ZNF503: variants seen among roughly 807,000 people sequenced by gnomAD.
ZNF503 encodes the protein zinc finger protein 503, also known as NocA-like zinc finger 2.
A neutral mutation model predicts 34.4 loss-of-function variants in ZNF503; 15 were observed. The observed-to-expected ratio is 0.44, with a 90% CI of 0.29 to 0.67. The LOEUF is 0.67. ZNF503 is among the 30% of genes least tolerant of loss of function. The pLI, the probability that ZNF503 is intolerant of heterozygous loss-of-function variation, is 0.13. For synonymous variants in ZNF503, 580 were observed against 456.8 expected (o/e 1.27, Z -3.44); for missense variants, 1,007 against 926.8 (o/e 1.09, Z -1.12).
downstream of ZNF503, among the ~76,000 whole-genome samples, chr10:75,392,967 G>A (rs1182303486): frequency 5.9e-5 from 9 of 152,210 alleles, no homozygotes; most frequent in Non-Finnish European, 1.3e-4. Context: ...CTCAGCCTTA[G>A]ATATGAGTCA....
At chr10:75,378,255 G>T in the ZNF503 span, among the ~76,000 whole-genome samples, 8 of 152,096 alleles carry the variant, frequency 5.3e-5, no homozygotes, top group Non-Finnish European at 1.2e-4. Flanking sequence ...CTGTCACTCA[G>T]AAAAAGGACA....
At chr10:75,352,243 G>C in the ZNF503 span, among the ~76,000 whole-genome samples, 35 of 152,342 alleles carry the variant, frequency 2.3e-4, no homozygotes, top group East Asian at 6.6e-3. Flanking sequence ...AGGGTCCTGG[G>C]AGGGCTACCC....
the ZNF503 span, among the ~76,000 whole-genome samples, chr10:75,334,213 G>A: frequency 2.0e-5 from 3 of 151,922 alleles, no homozygotes; most frequent in African/African-American, 2.4e-5. Flanking sequence ...CGGGCCCCGC[G>A]GGGCCCGTCC....
At chr10:75,329,523 G>A in the ZNF503 span, among the ~76,000 whole-genome samples, 2 of 150,452 alleles carry the variant, frequency 1.3e-5, no homozygotes, top group African/African-American at 4.9e-5. Flanking sequence ...GGAGTGCAGT[G>A]GCGTGCTCAT....
the ZNF503 span, among the ~76,000 whole-genome samples, chr10:75,350,829 C>T: frequency 3.0e-4 from 46 of 152,286 alleles, 1 homozygote; most frequent in Admixed American, 3.3e-4. Context: ...GCTAGGATTA[C>T]AGGCATGAGC....
the ZNF503 span, among the ~76,000 whole-genome samples, chr10:75,320,296 A>G: frequency 5.8e-4 from 88 of 151,854 alleles, no homozygotes; most frequent in African/African-American, 2.1e-3. Flanking sequence ...AGCCTGGCCA[A>G]TATGGTGAAA....
the ZNF503 span, among the ~76,000 whole-genome samples, chr10:75,309,871 A>G: frequency 6.6e-6 from 1 of 152,138 alleles, no homozygotes. Context: ...TATAGTTTTA[A>G]CTTTTGTCTA....
chr10:75,398,597 G>A lies in ZNF503; in HGVS notation c.*152C>T, dbSNP rs1019857712. 2.1e-5 allele frequency: 13 copies of A among 624,952 alleles called. No homozygotes were observed. Among genetic ancestry groups the A allele is most frequent in the East Asian group, 3.4e-5 (1 of 29,018 alleles). The allele number at this position is 624,952 out of a possible 1,614,324, so 38.7% of individuals were successfully genotyped here. A position where few individuals can be genotyped will look rare whatever the true frequency, so the allele number is the denominator to read the frequency against. ...CCACCGGGTCTCGGTCGCTGCTGTC[G>A]GGTAGATAGATACGGTATACATTTC... is the stretch of plus-strand genomic sequence containing the variant. On this transcript the variant is annotated 3_prime_UTR_variant, in exon 2 of 2. Transcript: ENST00000372524.
chr10:75,329,324 GT>G, the ZNF503 span, among the ~76,000 whole-genome samples: 22 of 150,002 alleles, frequency 1.5e-4, no homozygotes, highest in Non-Finnish European at 3.1e-4. Flanking sequence ...CACTTTCAGG[GT>G]TTTTTTTTCT....
At chr10:75,322,280 T>G in the ZNF503 span, among the ~76,000 whole-genome samples, 1 of 151,858 alleles carries the variant, frequency 6.6e-6, no homozygotes, top group South Asian at 2.1e-4. Context: ...TGCGCCACCA[T>G]GCCCTGCTAA....
chr10:75,396,915 A>G (rs909108685), downstream of ZNF503, among the ~76,000 whole-genome samples: 23 of 152,146 alleles, frequency 1.5e-4, no homozygotes, highest in Non-Finnish European at 7.3e-5. This position sits in a 1 kb window ranked among gnomAD's most constrained non-coding sequence, Gnocchi z 4.4. Flanking sequence ...CTGCGGCCCA[A>G]GCTGGGGAGA....
At chr10:75,314,461 G>A in the ZNF503 span, among the ~76,000 whole-genome samples, 2 of 152,070 alleles carry the variant, frequency 1.3e-5, no homozygotes, top group African/African-American at 4.8e-5. Flanking sequence ...ATAAATCTGT[G>A]AACTTGAAGA....
chr10:75,341,081 A>T, the ZNF503 span, among the ~76,000 whole-genome samples: 1 of 152,210 alleles, frequency 6.6e-6, no homozygotes, highest in Non-Finnish European at 1.5e-5. Flanking sequence ...GCCCAGTTTT[A>T]CACAGGTTAC....
chr10:75,362,540 C>T, the ZNF503 span, among the ~76,000 whole-genome samples: 4 of 152,110 alleles, frequency 2.6e-5, no homozygotes, highest in African/African-American at 9.7e-5. Flanking sequence ...GGCAGCTCTT[C>T]TCAGATAAAA....
At chr10:75,345,501 G>A in the ZNF503 span, among the ~76,000 whole-genome samples, 2 of 151,824 alleles carry the variant, frequency 1.3e-5, no homozygotes, top group Non-Finnish European at 2.9e-5. Flanking sequence ...CAGGCGTTGT[G>A]GTGGGTGCCT....
the ZNF503 span, among the ~76,000 whole-genome samples, chr10:75,281,233 C>A: frequency 6.6e-6 from 1 of 152,108 alleles, no homozygotes; most frequent in South Asian, 2.1e-4. Context: ...CTAGTTTGCA[C>A]CCGGAGGGGC....
chr10:75,401,369 G>T lies in ZNF503; in HGVS notation c.51C>A (p.Gly17=). The change falls in exon 1 of 2, where the codon GGC becomes GGA. Residue 17 remains glycine, a synonymous_variant. Transcript: ENST00000372524. Reference sequence around the variant, plus strand: ...CGCCTCCGCCTCCGCCGCCGCCGCCGCCGCTGTGCTTACTGCTTCTTAGGG... The same window carrying T: ...CGCCTCCGCCTCCGCCGCCGCCGCCTCCGCTGTGCTTACTGCTTCTTAGGG... The part of the protein sequence containing the change: ...LSALRSSKHS[G]GGGGGGGGGG... The T allele has an allele frequency of 6.5e-7, 1 of 1,539,656 alleles. No homozygotes were observed.
At chr10:75,345,364 C>T in the ZNF503 span, among the ~76,000 whole-genome samples, 2 of 151,946 alleles carry the variant, frequency 1.3e-5, no homozygotes, top group Admixed American at 6.6e-5. Context: ...AAGGACCCCA[C>T]GGTGGCTCAC....
chr10:75,401,203 G>A lies in ZNF503; in HGVS notation c.217C>T (p.Pro73Ser), dbSNP rs1426901194. The A allele has an allele frequency of 6.2e-7, 1 of 1,608,446 alleles. No homozygotes were observed. Among genetic ancestry groups the A allele is most frequent in the Admixed American group, 1.7e-5 (1 of 59,518 alleles). Residue 73 changes from proline (P) to serine (S), a missense_variant, in exon 1 of 2, where the codon CCA (proline) becomes TCA (serine). Pro to Ser is a moderately conservative substitution (Grantham distance 74, BLOSUM62 -1). Coordinates refer to ENST00000372524, the MANE Select transcript of ZNF503 (RefSeq NM_032772.6). ...SDPLRQANRL[P>S]IKVLKMLTAR... is the part of the protein sequence containing the mutation. ...GTCAGCATCTTCAGCACCTTGATTG[G>A]CAGGCGGTTGGCCTGGCGCAGGGGG...
Sources: allele counts gnomAD v4.1 joint callset (sites outside exome capture counted in the v4.1 genomes callset), GRCh38; gene constraint gnomAD v4.1.1; non-coding constraint Gnocchi (gnomAD v3.1); transcripts MANE v1.5; gene names NCBI Gene and HGNC (gene_info 2026-07-23, HGNC 2026-07-21).